SHISAL2A: variants seen among roughly 807,000 people sequenced by gnomAD.
SHISAL2A encodes shisa like 2A.
Under a neutral mutation model 11.5 loss-of-function variants are expected in SHISAL2A, and 18 were observed. The observed-to-expected ratio is 1.57, with a 90% CI of 1.08 to 2.33. SHISAL2A has a LOEUF of 2.33. SHISAL2A is among the 30% of genes most tolerant of loss of function. SHISAL2A has a pLI of 0.00. For synonymous variants in SHISAL2A, 94 were observed against 99.6 expected (o/e 0.94, Z 0.34); for missense variants, 261 against 250.9 (o/e 1.04, Z -0.27).
At chr1:52,665,745 A>AC (rs1274217004) in intron 4 of SHISAL2A, among the ~76,000 whole-genome samples, 2 of 142,136 alleles carry the variant, frequency 1.4e-5, no homozygotes, top group Non-Finnish European at 3.1e-5. Flanking sequence ...ATCCCCCCCC[A>AC]CTTCCCTGTA....
At chr1:52,662,264 G>T (rs1423024669) in intron 4 of SHISAL2A, among the ~76,000 whole-genome samples, 2 of 152,124 alleles carry the variant, frequency 1.3e-5, no homozygotes, top group African/African-American at 4.8e-5. Flanking sequence ...TAATCTTGAT[G>T]GACCATGGCA....
intron 4 of SHISAL2A, among the ~76,000 whole-genome samples, chr1:52,666,957 T>C (rs1374136173): frequency 6.6e-6 from 1 of 152,198 alleles, no homozygotes; most frequent in Non-Finnish European, 1.5e-5. Flanking sequence ...AAGTAATCTC[T>C]GTCCTTGCCC....
intron 2 of SHISAL2A, among the ~76,000 whole-genome samples, chr1:52,654,224 TATAGATAG>T (rs55929422): frequency 2.2e-4 from 33 of 147,788 alleles, no homozygotes; most frequent in Middle Eastern, 3.4e-3. Flanking sequence ...ATGGCAGTTT[TATAGATAG>T]ATAGATAGAT....
intron 2 of SHISAL2A, among the ~76,000 whole-genome samples, chr1:52,654,224 TATAGATAGATAGATAG>T (rs55929422): frequency 6.8e-6 from 1 of 147,672 alleles, no homozygotes; most frequent in African/African-American, 2.5e-5. Context: ...ATGGCAGTTT[TATAGATAGATAGATAG>T]ATAGATAGAT....
chr1:52,642,524 C>G (rs1283373066), intron 1 of SHISAL2A, among the ~76,000 whole-genome samples: 1 of 151,220 alleles, frequency 6.6e-6, no homozygotes, highest in Non-Finnish European at 1.5e-5. Flanking sequence ...CTCCCGAGTT[C>G]AAGTGATTCT....
chr1:52,650,643 CTTTTTTT>C (rs35001247), intron 2 of SHISAL2A, among the ~76,000 whole-genome samples: 4 of 108,116 alleles, frequency 3.7e-5, no homozygotes, highest in Non-Finnish European at 5.3e-5. Context: ...TTTTAAAACC[CTTTTTTT>C]TTTTTTTTTT....
chr1:52,652,271 A>G (rs1691667136), intron 2 of SHISAL2A, among the ~76,000 whole-genome samples: 1 of 152,216 alleles, frequency 6.6e-6, no homozygotes. Flanking sequence ...AATCGAGAGA[A>G]CAGAGCTGAA....
At position 52,633,566 on chromosome 1, in the gene SHISAL2A, G is replaced by T. The variant is rs762820314; in HGVS notation, c.73G>T (p.Gly25Trp). The change falls in exon 1 of 3, where the codon GGG becomes TGG. Residue 25 changes from glycine (G) to tryptophan (W), a missense_variant. By Grantham distance (184) the Gly-to-Trp change is radical. Transcript: ENST00000517870. The surrounding 1 kb of genome is among the most constrained non-coding windows in gnomAD (Gnocchi z 6.4). Reference protein sequence around the residue: ...VVRGFSCPRPGGEAAAVFCCG... With the variant: ...VVRGFSCPRPWGEAAAVFCCG... ...GCGCGGCTTCAGCTGCCCGCGGCCGGGGGGCGAGGCGGCCGCTGTCTTCTG... is the reference window on the plus strand; with the variant it reads ...GCGCGGCTTCAGCTGCCCGCGGCCGTGGGGCGAGGCGGCCGCTGTCTTCTG... The T allele has an allele frequency of 2.5e-6, 4 of 1,611,156 alleles. No individual in the cohort carries two copies. The highest frequency in any genetic ancestry group is 1.1e-5 in the South Asian group (1 of 90,896).
intron 4 of SHISAL2A, among the ~76,000 whole-genome samples, chr1:52,666,581 C>CGT (rs1692017575): frequency 3.4e-5 from 5 of 147,210 alleles, no homozygotes; most frequent in African/African-American, 1.3e-4. Flanking sequence ...TGTGCACACG[C>CGT]GCGTGTGTGT....
At chr1:52,663,697 G>A (rs1025738190) in intron 4 of SHISAL2A, among the ~76,000 whole-genome samples, 2 of 152,170 alleles carry the variant, frequency 1.3e-5, no homozygotes, top group African/African-American at 4.8e-5. Context: ...GGAGGTGGAG[G>A]TTGCAGTGAG....
intron 2 of SHISAL2A, 94 bp from the exon 3 acceptor site, chr1:52,656,696 C>T (rs1691796292): frequency 7.3e-7 from 1 of 1,368,020 alleles, no homozygotes; most frequent in African/African-American, 1.5e-5. Flanking sequence ...GACCACAGTG[C>T]ACTGCCCAAG....
chr1:52,661,325 C>A (rs1246930901), downstream of SHISAL2A, among the ~76,000 whole-genome samples: 1 of 152,192 alleles, frequency 6.6e-6, no homozygotes, highest in Admixed American at 6.5e-5. Context: ...GCCTTTGGGG[C>A]CCTTTGGTTG....
At chr1:52,655,879 C>T (rs573888082) in intron 2 of SHISAL2A, among the ~76,000 whole-genome samples, 10 of 152,238 alleles carry the variant, frequency 6.6e-5, no homozygotes, top group Admixed American at 3.9e-4. Flanking sequence ...CACTGGAGGC[C>T]GTTCCAGGGG....
rs779874909 is a variant in SHISAL2A at position 52,642,893 on chromosome 1, A to G, written c.213A>G (p.Ala71=). Residue 71 remains alanine (A), a synonymous_variant, in exon 2 of 3, where the codon GCA becomes GCG. Coordinates refer to ENST00000517870, the MANE Select transcript of SHISAL2A (RefSeq NM_001042693.3). Reference sequence around the variant, plus strand: ...GCGCTCTCATAGGCCTGTCCGTAGCAGCAGTGGTTCTTCTCGCCTTCATTG... The same window carrying G: ...GCGCTCTCATAGGCCTGTCCGTAGCGGCAGTGGTTCTTCTCGCCTTCATTG... The part of the protein sequence containing the change: ...SIGALIGLSV[A]AVVLLAFIVT... 4.2e-5 allele frequency: 68 copies of G among 1,613,598 alleles called. No individual in the cohort carries two copies. The highest frequency in any genetic ancestry group is 5.1e-5 in the Non-Finnish European group (60 of 1,180,008).
rs146527801 is a variant in SHISAL2A at position 52,664,981 on chromosome 1, G to A, written n.696-2418G>A. Among the ~76,000 whole-genome samples, 1,032 of 152,124 alleles carry A rather than the reference G, an allele frequency of 6.8e-3. 16 individuals are homozygous for A. The highest frequency in any genetic ancestry group is 0.024 in the African/African-American group (983 of 41,506). ...TTTTTGTATTTTTAGTAGAGACGAG[G>A]TTTTGCCAAGTTGCCCAGGCTGGTC... On this transcript the variant is annotated intron_variant and non_coding_transcript_variant, in intron 4 of 5. Coordinates refer to the SHISAL2A transcript ENST00000401050.
Position 52,633,297 on chromosome 1 carries a change from G to T in SHISAL2A, c.-197G>T, listed in dbSNP as rs1327057368. On this transcript the variant is annotated 5_prime_UTR_variant, in exon 1 of 3. Coordinates refer to ENST00000517870, the MANE Select transcript of SHISAL2A (RefSeq NM_001042693.3). This position sits in a 1 kb window ranked among gnomAD's most constrained non-coding sequence, Gnocchi z 6.4. ...CCCGCCTGCCCCTACCCCTCCGCGCGGGCCGGGCACCTGGCCGCCGCTCGG... is the reference window on the plus strand; with the variant it reads ...CCCGCCTGCCCCTACCCCTCCGCGCTGGCCGGGCACCTGGCCGCCGCTCGG... The T allele has an allele frequency of 4.2e-6, 2 of 470,928 alleles. No homozygotes were observed. Among genetic ancestry groups the T allele is most frequent in the East Asian group, 7.5e-5 (2 of 26,588 alleles). 29.2% of individuals were successfully genotyped at this position (470,928 alleles called of 1,614,324 possible).
intron 1 of SHISAL2A, among the ~76,000 whole-genome samples, chr1:52,640,398 T>C (rs1036926411): frequency 6.6e-6 from 1 of 152,110 alleles, no homozygotes; most frequent in Non-Finnish European, 1.5e-5. Flanking sequence ...TGACACATAG[T>C]AGGTACCAAA....
chr1:52,643,872 GAGAGAA>G lies in SHISAL2A; in HGVS notation c.322+876_322+881del, dbSNP rs1571685089. ...TCTCAGAAAGAAAGAAAGAAAGAAAGAGAGAAAGAGAGAGAGAGAGAGGGAGGGAGG... is the reference window on the plus strand; with the variant it reads ...TCTCAGAAAGAAAGAAAGAAAGAAAGAGAGAGAGAGAGAGAGGGAGGGAGG... On this transcript the variant is annotated intron_variant, in intron 2 of 2. Coordinates refer to ENST00000517870, the MANE Select transcript of SHISAL2A (RefSeq NM_001042693.3). 5.0e-5 allele frequency among the ~76,000 whole-genome samples: 7 copies of G among 139,170 alleles called. No homozygotes were observed. The East Asian group carries it at 1.5e-3, about 30-fold the overall frequency. 91.3% of individuals were successfully genotyped at this position (139,170 alleles called of 152,430 possible).
chr1:52,643,399 T>C (rs1209778644), intron 2 of SHISAL2A, among the ~76,000 whole-genome samples: 3 of 152,224 alleles, frequency 2.0e-5, no homozygotes, highest in African/African-American at 2.4e-5. Flanking sequence ...GCGCTTTTAT[T>C]GTGTGTATGC....
Sources: allele counts gnomAD v4.1 joint callset (sites outside exome capture counted in the v4.1 genomes callset), GRCh38; gene constraint gnomAD v4.1.1; non-coding constraint Gnocchi (gnomAD v3.1); transcripts MANE v1.5; gene names NCBI Gene and HGNC (gene_info 2026-07-23, HGNC 2026-07-21).